Variants in CDK6 observed in about 807,000 individuals in gnomAD.
The protein encoded by CDK6 is cyclin dependent kinase 6, also known as cyclin-dependent kinase 6.
Under a neutral mutation model 37.1 loss-of-function variants are expected in CDK6, and 6 were observed. The ratio of observed to expected loss-of-function variants is 0.16; its 90% confidence interval spans 0.09 to 0.32. The LOEUF (loss-of-function observed/expected upper bound fraction) is 0.32, where lower values mean the gene tolerates loss of function less well. CDK6 is among the 10% of genes least tolerant of loss of function. The probability of loss-of-function intolerance (pLI) is 1.00; values close to 1 mark genes in which losing one functional copy is unlikely to be tolerated. For missense variants in CDK6, 224 were observed against 418.9 expected, an observed-to-expected ratio of 0.53 and a Z score of 4.06; for synonymous variants, 160 against 161.3, an observed-to-expected ratio of 0.99 and a Z score of 0.06.
At chr7:92,672,160 T>TATACACAC (rs1210519115) in intron 4 of CDK6, among the ~76,000 whole-genome samples, 1 of 79,080 alleles carries the variant, frequency 1.3e-5, no homozygotes, top group Admixed American at 1.4e-4. Flanking sequence ...TATATATATA[T>TATACACAC]ACACATACAC....
At chr7:92,697,706 G>A (rs1232289373) in intron 4 of CDK6, among the ~76,000 whole-genome samples, 4 of 152,146 alleles carry the variant, frequency 2.6e-5, no homozygotes, top group African/African-American at 9.7e-5. Flanking sequence ...TTTTATTGGG[G>A]ACTCCAAGGC....
rs1033958471 is a variant in CDK6, at chr7:92,608,262, G to C, written c.*6878C>G. 2.6e-5 allele frequency: 6 copies of C among 231,828 alleles called. No homozygotes were observed. Among genetic ancestry groups the C allele is most frequent in the Admixed American group, 5.6e-5 (1 of 17,712 alleles). The allele number at this position is 231,828 out of a possible 1,614,324, so 14.4% of individuals were successfully genotyped here. A position where few individuals can be genotyped will look rare whatever the true frequency, so the allele number is the denominator to read the frequency against. Reference sequence around the variant, plus strand: ...ATCCAAACTCCTAAAATTGAGAAAGGGTTATTTGTGTGACCAAACAACTCA... The same window carrying C: ...ATCCAAACTCCTAAAATTGAGAAAGCGTTATTTGTGTGACCAAACAACTCA... On this transcript the variant is annotated 3_prime_UTR_variant, in exon 8 of 8. Transcript: ENST00000424848.
chr7:92,721,327 G>C (rs1374963856), intron 4 of CDK6, among the ~76,000 whole-genome samples: 2 of 152,142 alleles, frequency 1.3e-5, no homozygotes, highest in Non-Finnish European at 2.9e-5. Context: ...TCCTGTGTGC[G>C]GTATGGGGCA....
intron 3 of CDK6, among the ~76,000 whole-genome samples, chr7:92,749,834 G>A (rs1421508350): frequency 6.6e-6 from 1 of 152,178 alleles, no homozygotes; most frequent in Non-Finnish European, 1.5e-5. Context: ...GATTACCAGG[G>A]AAATAGGATA....
chr7:92,735,425 T>C (rs537866986), intron 3 of CDK6, among the ~76,000 whole-genome samples: 152 of 152,294 alleles, frequency 1.0e-3, no homozygotes, highest in African/African-American at 3.6e-3. Flanking sequence ...TCCCCGCTCC[T>C]CTAGTAGTCC....
At chr7:92,782,951 T>C (rs1024085736) in intron 2 of CDK6, among the ~76,000 whole-genome samples, 2 of 152,220 alleles carry the variant, frequency 1.3e-5, no homozygotes, top group African/African-American at 4.8e-5. Flanking sequence ...AAAGTGACTG[T>C]CCCAGTTCTC....
At chr7:92,814,419 A>G (rs1800969681) in intron 2 of CDK6, among the ~76,000 whole-genome samples, 1 of 152,182 alleles carries the variant, frequency 6.6e-6, no homozygotes. Flanking sequence ...AAATTAGCAG[A>G]CAACTTCCTT....
intron 4 of CDK6, among the ~76,000 whole-genome samples, chr7:92,675,379 T>C (rs976356513): frequency 6.6e-6 from 1 of 152,236 alleles, no homozygotes; most frequent in Non-Finnish European, 1.5e-5. Flanking sequence ...AATGACCATA[T>C]AATCATTTGC....
In CDK6 at chr7:92,611,935, C is replaced by A. The variant is rs1795571099; in HGVS notation, c.*3205G>T. ...AATGGCCCCAAGCTTTCTTCCAAAA[C>A]AGGTTCTTTGCACCTTGAGTTCCCA... On this transcript the variant is annotated 3_prime_UTR_variant, in exon 8 of 8. Transcript: ENST00000424848. 8.6e-6 allele frequency: 2 copies of A among 232,716 alleles called. No homozygotes were observed. Among genetic ancestry groups the A allele is most frequent in the Non-Finnish European group, 1.7e-5 (2 of 117,770 alleles). The allele number at this position is 232,716 out of a possible 1,614,324, so 14.4% of individuals were successfully genotyped here. A position where few individuals can be genotyped will look rare whatever the true frequency, so the allele number is the denominator to read the frequency against.
At chr7:92,632,496 G>A (rs751290530) in intron 5 of CDK6, among the ~76,000 whole-genome samples, 4 of 151,972 alleles carry the variant, frequency 2.6e-5, no homozygotes, top group Non-Finnish European at 5.9e-5. Flanking sequence ...TATAAATAAG[G>A]GCTCTGGCCC....
intron 2 of CDK6, among the ~76,000 whole-genome samples, chr7:92,790,877 T>C (rs1362693228): frequency 6.6e-6 from 1 of 152,128 alleles, no homozygotes; most frequent in African/African-American, 2.4e-5. Flanking sequence ...CCAAAGAAAG[T>C]GTGAGCAGGA....
intron 4 of CDK6, among the ~76,000 whole-genome samples, chr7:92,721,025 G>T (rs1471295946): frequency 6.6e-6 from 1 of 152,090 alleles, no homozygotes; most frequent in South Asian, 2.1e-4. Flanking sequence ...GTTCAATAGA[G>T]GTCAGAGAAG....
intron 5 of CDK6, among the ~76,000 whole-genome samples, chr7:92,658,192 G>T (rs539247779): frequency 6.6e-6 from 1 of 152,188 alleles, no homozygotes; most frequent in South Asian, 2.1e-4. Flanking sequence ...GGGTAATTTG[G>T]TTTAGCTAGC....
chr7:92,703,047 C>T (rs560748447), intron 4 of CDK6, among the ~76,000 whole-genome samples: 38 of 152,274 alleles, frequency 2.5e-4, no homozygotes, highest in African/African-American at 8.4e-4. Flanking sequence ...CATCCCTAAT[C>T]GAGACCCACT....
Position 92,623,088 on chromosome 7 carries a change from TA to T in CDK6, c.648-3del. ...TCTGAACTTCCACGAAAAAGAGGCC[TA>T]AAAGAATAAAGATACATTTTAAATA... On this transcript the variant is annotated splice_polypyrimidine_tract_variant and splice_region_variant and intron_variant, in intron 5 of 7. Transcript: ENST00000424848. The T allele has an allele frequency of 1.9e-6, 3 of 1,555,966 alleles. No homozygotes were observed. The highest frequency in any genetic ancestry group is 1.4e-5 in the African/African-American group (1 of 73,722).
chr7:92,737,960 C>A (rs1798826017), intron 3 of CDK6, among the ~76,000 whole-genome samples: 2 of 152,160 alleles, frequency 1.3e-5, no homozygotes, highest in African/African-American at 2.4e-5. Flanking sequence ...TGCCTCCTTC[C>A]CATAAACACA....
At chr7:92,757,975 T>C (rs1799356977) in intron 3 of CDK6, among the ~76,000 whole-genome samples, 2 of 152,238 alleles carry the variant, frequency 1.3e-5, no homozygotes, top group African/African-American at 4.8e-5. Flanking sequence ...TGTCTGTTCA[T>C]ATCCTTTGCC....
intron 2 of CDK6, among the ~76,000 whole-genome samples, chr7:92,790,130 T>C (rs1251832114): frequency 6.6e-6 from 1 of 152,188 alleles, no homozygotes; most frequent in African/African-American, 2.4e-5. Flanking sequence ...CTTCAACCAA[T>C]ACTCTGAACA....
chr7:92,733,946 C>G (rs986660135), intron 3 of CDK6, among the ~76,000 whole-genome samples: 1 of 152,130 alleles, frequency 6.6e-6, no homozygotes, highest in Non-Finnish European at 1.5e-5. Flanking sequence ...TATTTTCCCA[C>G]CTCAGCCTGC....
Sources: gnomAD v4.1 joint callset for allele counts (sites outside exome capture counted in the v4.1 genomes callset) on GRCh38, gnomAD v4.1.1 for gene constraint, MANE v1.5 for transcripts, NCBI Gene and HGNC (gene_info 2026-07-23, HGNC 2026-07-21) for gene names.